The following LIN7A variants were observed in gnomAD, a reference collection of about 807,000 sequenced individuals.
LIN7A encodes the protein lin-7 cell polarity scaffold A.
In LIN7A, 25 loss-of-function variants were observed where a neutral mutation model predicts 29.8. That is an observed-to-expected ratio of 0.84 (90% CI 0.61 to 1.17). LIN7A has a LOEUF of 1.17. LIN7A is among the 50% of genes most tolerant of loss of function. The pLI is 0.00. For missense variants in LIN7A, 239 were observed against 287.0 expected (o/e 0.83, Z 1.21); for synonymous variants, 118 against 107.5 (o/e 1.10, Z -0.60).
At chr12:80,844,123 G>T (rs2121548741) in intron 4 of LIN7A, among the ~76,000 whole-genome samples, 1 of 151,934 alleles carries the variant, frequency 6.6e-6, no homozygotes, top group South Asian at 2.1e-4. Flanking sequence ...ATACTCTGGG[G>T]CATAAGCCTC....
intron 1 of LIN7A, among the ~76,000 whole-genome samples, chr12:80,936,118 T>C (rs1878203572): frequency 6.6e-6 from 1 of 152,186 alleles, no homozygotes; most frequent in Non-Finnish European, 1.5e-5. Flanking sequence ...TAGCTTGCCA[T>C]CTGTTTGGTT....
chr12:80,805,569 T>A (rs1368371650), intron 5 of LIN7A, among the ~76,000 whole-genome samples: 1 of 152,170 alleles, frequency 6.6e-6, no homozygotes, highest in Admixed American at 6.5e-5. Context: ...TTCCTCAGAA[T>A]GTTGATATCT....
chr12:80,911,151 TTCAG>T (rs1188630036), intron 1 of LIN7A, among the ~76,000 whole-genome samples: 3 of 152,188 alleles, frequency 2.0e-5, no homozygotes, highest in African/African-American at 7.2e-5. Context: ...CTCAGTGCTA[TTCAG>T]TACATATGTT....
intron 2 of LIN7A, among the ~76,000 whole-genome samples, chr12:80,870,128 G>A (rs998774607): frequency 2.0e-5 from 3 of 152,128 alleles, no homozygotes; most frequent in Non-Finnish European, 2.9e-5. Flanking sequence ...AATGCACATG[G>A]TATGTCCTCC....
intron 1 of LIN7A, among the ~76,000 whole-genome samples, chr12:80,929,240 C>T (rs1240173539): frequency 6.6e-6 from 1 of 152,152 alleles, no homozygotes; most frequent in Non-Finnish European, 1.5e-5. Context: ...GACACCAGTA[C>T]AATCAATATG....
chr12:80,841,412 G>A (rs576417517), intron 4 of LIN7A, among the ~76,000 whole-genome samples: 2 of 150,608 alleles, frequency 1.3e-5, no homozygotes, highest in African/African-American at 4.9e-5. Context: ...AGGAAGGAGG[G>A]AAAGAAAGTA....
intron 2 of LIN7A, among the ~76,000 whole-genome samples, chr12:80,869,746 TG>T (rs1029238622): frequency 3.9e-4 from 48 of 123,990 alleles, no homozygotes; most frequent in African/African-American, 1.9e-3. Context: ...ATTACGCCAA[TG>T]GTTTTTTTTT....
At chr12:80,834,118 T>C (rs746425593) in intron 4 of LIN7A, among the ~76,000 whole-genome samples, 5 of 152,200 alleles carry the variant, frequency 3.3e-5, no homozygotes, top group Non-Finnish European at 7.3e-5. Context: ...TCAACTCTTC[T>C]GATGTCACAT....
At chr12:80,829,788 A>C (rs1872257904) in intron 4 of LIN7A, among the ~76,000 whole-genome samples, 1 of 152,166 alleles carries the variant, frequency 6.6e-6, no homozygotes, top group African/African-American at 2.4e-5. Context: ...AAGAAACATC[A>C]ATATTCTCTA....
intron 2 of LIN7A, among the ~76,000 whole-genome samples, chr12:80,887,528 C>T (rs768332659): frequency 5.3e-5 from 8 of 152,110 alleles, no homozygotes; most frequent in East Asian, 1.9e-4. Context: ...CATTAGCTTT[C>T]GGTTTTTGCA....
intron 2 of LIN7A, among the ~76,000 whole-genome samples, chr12:80,879,953 G>A (rs1028558117): frequency 2.0e-5 from 3 of 152,164 alleles, no homozygotes; most frequent in East Asian, 1.9e-4. Context: ...AAAGCTTAGT[G>A]TCAACAATGC....
At chr12:80,893,433 T>C (rs1463385047) in intron 1 of LIN7A, among the ~76,000 whole-genome samples, 1 of 151,844 alleles carries the variant, frequency 6.6e-6, no homozygotes, top group Non-Finnish European at 1.5e-5. Context: ...TCTAAGACCA[T>C]CAAAAGCTGA....
rs767148753 is a variant in LIN7A, at chr12:80,937,768, G to A, written c.-46C>T. 38 of 1,207,542 alleles carry A rather than the reference G, an allele frequency of 3.1e-5. No homozygotes were observed. The African/African-American group carries it at 4.7e-4, about 15-fold the overall frequency. 74.8% of individuals were successfully genotyped at this position (1,207,542 alleles called of 1,614,324 possible). ...AAAAAAAGGAGGAGATTGGGGGCGGGGGTGGAGAGGGAAGACGGAAAGGAG... is the reference window on the plus strand; with the variant it reads ...AAAAAAAGGAGGAGATTGGGGGCGGAGGTGGAGAGGGAAGACGGAAAGGAG... On this transcript the variant is annotated 5_prime_UTR_variant, in exon 1 of 6. Transcript: ENST00000552864.
chr12:80,881,950 C>T (rs1875066699), intron 2 of LIN7A, among the ~76,000 whole-genome samples: 1 of 152,136 alleles, frequency 6.6e-6, no homozygotes, highest in Non-Finnish European at 1.5e-5. Context: ...TTATGTTACA[C>T]ATTACTTTTC....
intron 1 of LIN7A, among the ~76,000 whole-genome samples, chr12:80,905,363 T>C (rs1173010340): frequency 6.6e-6 from 1 of 152,160 alleles, no homozygotes; most frequent in African/African-American, 2.4e-5. Flanking sequence ...TATATTTTAA[T>C]TTTGTTATAC....
At chr12:80,869,660 T>C (rs1456689095) in intron 2 of LIN7A, among the ~76,000 whole-genome samples, 1 of 152,102 alleles carries the variant, frequency 6.6e-6, no homozygotes. Context: ...TTCTAAGAAA[T>C]AGATGTCCAA....
intron 4 of LIN7A, among the ~76,000 whole-genome samples, chr12:80,828,209 C>T (rs1371055753): frequency 6.6e-6 from 1 of 152,084 alleles, no homozygotes. Context: ...ATCTTCCTAT[C>T]CTGGCTTGCA....
chr12:80,822,276 C>T (rs559772183), intron 4 of LIN7A, among the ~76,000 whole-genome samples: 5 of 152,064 alleles, frequency 3.3e-5, no homozygotes, highest in East Asian at 1.9e-4. Flanking sequence ...AATATGGGGG[C>T]GCTGTGTGCA....
intron 4 of LIN7A, chr12:80,841,958 C>T (rs968944023): frequency 1.5e-5 from 17 of 1,143,196 alleles, no homozygotes; most frequent in African/African-American, 9.9e-5. Context: ...AAGAAGTAGC[C>T]ATACACCAAA....
Sources: gnomAD v4.1 joint callset for allele counts (sites outside exome capture counted in the v4.1 genomes callset) on GRCh38, gnomAD v4.1.1 for gene constraint, MANE v1.5 for transcripts, NCBI Gene and HGNC (gene_info 2026-07-23, HGNC 2026-07-21) for gene names.